Variants in CCDC85C observed in about 807,000 individuals in gnomAD.
CCDC85C encodes coiled-coil domain-containing protein 85C.
CCDC85C carries 18 observed loss-of-function variants against 38.3 expected under a neutral mutation model. The observed-to-expected ratio is 0.47, with a 90% confidence interval of 0.33 to 0.70. The LOEUF is 0.70. CCDC85C is among the 30% of genes least tolerant of loss of function. CCDC85C has a pLI of 0.03. For missense variants in CCDC85C, 566 were observed against 621.2 expected (o/e 0.91, Z 0.94); for synonymous variants, 264 against 293.8 (o/e 0.90, Z 1.04).
Position 99,500,739 on chromosome 14 carries a change from G to A in CCDC85C, c.*14507C>T, listed in dbSNP as rs1428045802. ...CTTGAGACCTGCAATTGTAATTACTGTCCTAACATTTGTGATTGATTTTTA... is the reference window on the plus strand; with the variant it reads ...CTTGAGACCTGCAATTGTAATTACTATCCTAACATTTGTGATTGATTTTTA... On this transcript the variant is annotated 3_prime_UTR_variant, in exon 6 of 6. Coordinates refer to ENST00000380243, the MANE Select transcript of CCDC85C (RefSeq NM_001144995.2). The A allele has an allele frequency of 3.5e-5, 48 of 1,380,520 alleles. No individual in the cohort carries two copies. Among genetic ancestry groups the A allele is most frequent in the Non-Finnish European group, 4.8e-5 (48 of 989,708 alleles). The allele number at this position is 1,380,520 out of a possible 1,614,324, so 85.5% of individuals were successfully genotyped here.
rs1896882785 is a variant in CCDC85C at position 99,503,184 on chromosome 14, G to C, written c.*12062C>G. The C allele has an allele frequency of 2.8e-6, 2 of 719,776 alleles. No homozygotes were observed. Among genetic ancestry groups the C allele is most frequent in the Middle Eastern group, 3.6e-4 (1 of 2,796 alleles). The allele number at this position is 719,776 out of a possible 1,614,324, so 44.6% of individuals were successfully genotyped here. ...GACAGGCTGCCTCTGAGAACCAGGA[G>C]GGGGCTCTCTGCCCGGCTCCAGCCC... On this transcript the variant is annotated 3_prime_UTR_variant, in exon 6 of 6. Coordinates refer to ENST00000380243, the MANE Select transcript of CCDC85C (RefSeq NM_001144995.2).
chr14:99,596,822 G>A (rs994631341), intron 1 of CCDC85C, among the ~76,000 whole-genome samples: 4 of 152,164 alleles, frequency 2.6e-5, no homozygotes, highest in Admixed American at 6.5e-5. Context: ...GATCCCAGAC[G>A]CTGATCCCAA....
At chr14:99,541,574 G>C (rs1897714134) in intron 1 of CCDC85C, among the ~76,000 whole-genome samples, 1 of 152,204 alleles carries the variant, frequency 6.6e-6, no homozygotes, top group African/African-American at 2.4e-5. Flanking sequence ...AATGGAAGGG[G>C]TGTCCACTCT....
rs377060982 is a variant in CCDC85C, at chr14:99,522,215, G to A, written c.893C>T (p.Thr298Met). 411 of 1,549,826 alleles carry A rather than the reference G, an allele frequency of 2.7e-4. No homozygotes were observed. The highest frequency in any genetic ancestry group is 3.3e-4 in the Non-Finnish European group (380 of 1,146,730). Residue 298 changes from threonine (T) to methionine (M), a missense_variant, in exon 3 of 6, where the codon ACG becomes ATG. Coordinates refer to ENST00000380243, the MANE Select transcript of CCDC85C (RefSeq NM_001144995.2). ...GTAGGGCGAGAAGCCTTTCCGCAGC[G>A]TGCGGAACTCTCCGGAGCCTGCCTG... ...AQQAGSGEFR[T>M]LRKGFSPYHS... is the part of the protein sequence containing the mutation.
At chr14:99,583,823 A>AG (rs1318695356) in intron 1 of CCDC85C, among the ~76,000 whole-genome samples, 2 of 151,890 alleles carry the variant, frequency 1.3e-5, no homozygotes, top group African/African-American at 4.8e-5. Context: ...AAAAAAAAAA[A>AG]AAAAGCACAT....
At chr14:99,538,042 A>G (rs1897639352) in intron 1 of CCDC85C, among the ~76,000 whole-genome samples, 1 of 152,150 alleles carries the variant, frequency 6.6e-6, no homozygotes, top group Non-Finnish European at 1.5e-5. Context: ...CGCACCAATG[A>G]CTATGGACCC....
In CCDC85C at chr14:99,533,999, C is replaced by T. The variant is rs1457260728; in HGVS notation, c.867+2016G>A. Among the ~76,000 whole-genome samples the T allele has an allele frequency of 6.6e-6, 1 of 152,188 alleles. No homozygotes were observed. The highest frequency in any genetic ancestry group is 1.5e-5 in the Non-Finnish European group (1 of 68,044). On this transcript the variant is annotated intron_variant, in intron 2 of 5. Transcript: ENST00000380243. This position sits in a 1 kb window ranked among gnomAD's most constrained non-coding sequence, Gnocchi z 4.2. ...GCCAAGGGATCAGGGACACTCCTGTCCTTATGGAAACAGGACCATGAGCTG... is the reference window on the plus strand; with the variant it reads ...GCCAAGGGATCAGGGACACTCCTGTTCTTATGGAAACAGGACCATGAGCTG...
rs1477419296 is a variant in CCDC85C at position 99,551,660 on chromosome 14, TGA to T, written c.794-15574_794-15573del. Among the ~76,000 whole-genome samples, 65 of 109,904 alleles carry T rather than the reference TGA, an allele frequency of 5.9e-4. 1 individual carries two copies. Among genetic ancestry groups the T allele is most frequent in the African/African-American group, 2.3e-3 (63 of 27,362 alleles). The allele number at this position is 109,904 out of a possible 152,430, so 72.1% of individuals were successfully genotyped here. On this transcript the variant is annotated intron_variant, in intron 1 of 5. Coordinates refer to ENST00000380243, the MANE Select transcript of CCDC85C (RefSeq NM_001144995.2). ...GGTGAGAGGTGAGTGTGCAGGTGGGTGAGAGGTGGGTGTGCAGGTGGGTGAGA... is the reference window on the plus strand; with the variant it reads ...GGTGAGAGGTGAGTGTGCAGGTGGGTGAGGTGGGTGTGCAGGTGGGTGAGA...
In CCDC85C at chr14:99,603,060, T is replaced by G; in HGVS notation, c.793+107A>C. 1 of 1,235,202 alleles carries G rather than the reference T, an allele frequency of 8.1e-7. No individual in the cohort carries two copies. Among genetic ancestry groups the G allele is most frequent in the Non-Finnish European group, 1.0e-6 (1 of 981,982 alleles). The allele number at this position is 1,235,202 out of a possible 1,614,324, so 76.5% of individuals were successfully genotyped here. A position where few individuals can be genotyped will look rare whatever the true frequency, so the allele number is the denominator to read the frequency against. On this transcript the variant is annotated intron_variant, in intron 1 of 5. Coordinates refer to ENST00000380243, the MANE Select transcript of CCDC85C (RefSeq NM_001144995.2). The surrounding 1 kb of genome is among the most constrained non-coding windows in gnomAD (Gnocchi z 7.5). ...CCATGACAGCTGGAGGAGTCTGGAG[T>G]GGCGGCCGCATGAGTGGGACAGCCA... is the stretch of plus-strand genomic sequence containing the variant.
chr14:99,579,965 G>C, intron 1 of CCDC85C: 1 of 442,458 alleles, frequency 2.3e-6, no homozygotes, highest in Non-Finnish European at 4.6e-6. Context: ...GCCAGGGTAG[G>C]GCATTAATCA....
Position 99,507,360 on chromosome 14 carries a change from T to C in CCDC85C, c.*7886A>G. The C allele has an allele frequency of 1.8e-6, 1 of 555,424 alleles. No individual in the cohort carries two copies. The highest frequency in any genetic ancestry group is 2.0e-5 in the South Asian group (1 of 49,982). 34.4% of individuals were successfully genotyped at this position (555,424 alleles called of 1,614,324 possible). A position where few individuals can be genotyped will look rare whatever the true frequency, so the allele number is the denominator to read the frequency against. Reference sequence around the variant, plus strand: ...GGGAGGCGGAGGCAGGAGAATCACCTGACCCCAGGAGTTCGAGGTCAGCCT... The same window carrying C: ...GGGAGGCGGAGGCAGGAGAATCACCCGACCCCAGGAGTTCGAGGTCAGCCT... On this transcript the variant is annotated 3_prime_UTR_variant, in exon 6 of 6. Coordinates refer to ENST00000380243, the MANE Select transcript of CCDC85C (RefSeq NM_001144995.2).
chr14:99,515,979 G>T (rs1305149397), intron 5 of CCDC85C, among the ~76,000 whole-genome samples: 1 of 152,148 alleles, frequency 6.6e-6, no homozygotes, highest in Non-Finnish European at 1.5e-5. Context: ...GACACCAGGG[G>T]CCCTCTGGGA....
chr14:99,564,216 C>G (rs8016113), intron 1 of CCDC85C, among the ~76,000 whole-genome samples: 81,524 of 151,774 alleles, frequency 0.54, 22,142 homozygotes, highest in African/African-American at 0.61. Context: ...AGGGGACAGA[C>G]AGGTGGAGAC....
intron 1 of CCDC85C, among the ~76,000 whole-genome samples, chr14:99,578,986 T>A (rs1345109112): frequency 6.6e-6 from 1 of 152,188 alleles, no homozygotes; most frequent in Admixed American, 6.5e-5. Context: ...GGGTGCTCTC[T>A]TACCAACACT....
Position 99,604,170 on chromosome 14 carries a change from G to C in CCDC85C, c.-211C>G, listed in dbSNP as rs2055247585. On this transcript the variant is annotated 5_prime_UTR_variant, in exon 1 of 6. Transcript: ENST00000380243. ...GGGTTGACGAGCGGAGGCGGCTGCTGCGTCGGCGGCCGCGGTGCCGGGCGC... is the reference window on the plus strand; with the variant it reads ...GGGTTGACGAGCGGAGGCGGCTGCTCCGTCGGCGGCCGCGGTGCCGGGCGC... The C allele has an allele frequency of 3.4e-6, 1 of 296,256 alleles. No individual in the cohort carries two copies. Among genetic ancestry groups the C allele is most frequent in the African/African-American group, 2.3e-5 (1 of 43,794 alleles). The allele number at this position is 296,256 out of a possible 1,614,324, so 18.4% of individuals were successfully genotyped here. A position where few individuals can be genotyped will look rare whatever the true frequency, so the allele number is the denominator to read the frequency against.
chr14:99,586,589 A>C (rs1420659604), intron 1 of CCDC85C, among the ~76,000 whole-genome samples: 5 of 152,198 alleles, frequency 3.3e-5, no homozygotes, highest in African/African-American at 7.2e-5. Context: ...TACAACACTC[A>C]GGCAGCCCCG....
chr14:99,529,360 T>TTG (rs555477281), intron 2 of CCDC85C, among the ~76,000 whole-genome samples: 1,736 of 151,376 alleles, frequency 0.011, 28 homozygotes, highest in African/African-American at 0.036. Flanking sequence ...GTGTGCAGTT[T>TTG]TGTGTGTGTG....
intron 2 of CCDC85C, among the ~76,000 whole-genome samples, chr14:99,525,766 G>A (rs951020747): frequency 1.4e-4 from 21 of 152,338 alleles, no homozygotes; most frequent in South Asian, 4.1e-4. Flanking sequence ...CACCAGACTC[G>A]AAGCCCCAGG....
Position 99,604,164 on chromosome 14 carries a change from G to T in CCDC85C, c.-205C>A. The T allele has an allele frequency of 3.0e-6, 1 of 334,800 alleles. No homozygotes were observed. Among genetic ancestry groups the T allele is most frequent in the Non-Finnish European group, 4.2e-6 (1 of 237,374 alleles). 20.7% of individuals were successfully genotyped at this position (334,800 alleles called of 1,614,324 possible). Reference sequence around the variant, plus strand: ...GCCTCGGGGTTGACGAGCGGAGGCGGCTGCTGCGTCGGCGGCCGCGGTGCC... The same window carrying T: ...GCCTCGGGGTTGACGAGCGGAGGCGTCTGCTGCGTCGGCGGCCGCGGTGCC... On this transcript the variant is annotated 5_prime_UTR_variant, in exon 1 of 6. Transcript: ENST00000380243.
Sources: allele counts gnomAD v4.1 joint callset (sites outside exome capture counted in the v4.1 genomes callset), GRCh38; gene constraint gnomAD v4.1.1; non-coding constraint Gnocchi (gnomAD v3.1); transcripts MANE v1.5; gene names NCBI Gene and HGNC (gene_info 2026-07-23, HGNC 2026-07-21).